Variants in BRIP1 observed in about 807,000 individuals in gnomAD.
BRIP1 encodes the protein Fanconi anemia group J protein.
Under a neutral mutation model 119.7 loss-of-function variants are expected in BRIP1, and 88 were observed. That is an observed-to-expected ratio of 0.74 (90% CI 0.62 to 0.88). The LOEUF is 0.88. BRIP1 is among the 40% of genes least tolerant of loss of function. The probability of loss-of-function intolerance (pLI) is 0.00; values close to 1 mark genes in which losing one functional copy is unlikely to be tolerated. For synonymous variants in BRIP1, 443 were observed against 496.5 expected, an observed-to-expected ratio of 0.89 and a Z score of 1.43; for missense variants, 1,259 against 1,455.4, an observed-to-expected ratio of 0.87 and a Z score of 2.20.
In BRIP1 at chr17:61,861,719, T is replaced by C. The variant is rs973477678; in HGVS notation, c.-30-150A>G. The C allele has an allele frequency of 4.7e-6, 3 of 639,470 alleles. No individual in the cohort carries two copies. The Admixed American group carries it at 7.7e-5, about 16-fold the overall frequency. 39.6% of individuals were successfully genotyped at this position (639,470 alleles called of 1,614,324 possible). A position where few individuals can be genotyped will look rare whatever the true frequency, so the allele number is the denominator to read the frequency against. ...GAAACAAAATAATTTCCTAGTCTTA[T>C]AAATCACAGCGGTCAAGAGCATGTC... is the stretch of plus-strand genomic sequence containing the variant. On this transcript the variant is annotated intron_variant, in intron 1 of 19. Coordinates refer to ENST00000259008, the MANE Select transcript of BRIP1 (RefSeq NM_032043.3). The surrounding 1 kb of genome is among the most constrained non-coding windows in gnomAD (Gnocchi z 4.5).
At chr17:61,733,351 C>T (rs945722146) in intron 16 of BRIP1, among the ~76,000 whole-genome samples, 7 of 151,818 alleles carry the variant, frequency 4.6e-5, no homozygotes, top group African/African-American at 1.7e-4. Flanking sequence ...GACTCTGTCT[C>T]AAAAAAAATT....
In BRIP1 at chr17:61,679,806, T is replaced by C. The variant is rs1481373901; in HGVS notation, c.*3490A>G. ...AATCTGTAAACATTTCTTTTAAAAGTATGTTATCAGTAATGAAAATGGCCT... is the reference window on the plus strand; with the variant it reads ...AATCTGTAAACATTTCTTTTAAAAGCATGTTATCAGTAATGAAAATGGCCT... On this transcript the variant is annotated 3_prime_UTR_variant, in exon 20 of 20. Coordinates refer to ENST00000259008, the MANE Select transcript of BRIP1 (RefSeq NM_032043.3). This position sits in a 1 kb window ranked among gnomAD's most constrained non-coding sequence, Gnocchi z 4.4. 6.6e-6 allele frequency among the ~76,000 whole-genome samples: 1 copy of C among 152,158 alleles called. No homozygotes were observed. The highest frequency in any genetic ancestry group is 1.5e-5 in the Non-Finnish European group (1 of 68,028).
rs1203951992 is a variant in BRIP1 at position 61,849,398 on chromosome 17, A to C, written c.380-142T>G. The C allele has an allele frequency of 4.3e-6, 3 of 702,906 alleles. No individual in the cohort carries two copies. The African/African-American group carries it at 5.4e-5, about 13-fold the overall frequency. The allele number at this position is 702,906 out of a possible 1,614,324, so 43.5% of individuals were successfully genotyped here. Reference sequence around the variant, plus strand: ...AAAACATGAAACTTAAACATGTTTAAAAAGTACTTCTCTACCATTCAGTTT... The same window carrying C: ...AAAACATGAAACTTAAACATGTTTACAAAGTACTTCTCTACCATTCAGTTT... On this transcript the variant is annotated intron_variant, in intron 4 of 19. Transcript: ENST00000259008.
rs1460485569 is a variant in BRIP1, at chr17:61,720,996, CA to C, written c.2380-4934del. ...AGCTGGGACTACAGGCGGCCGCCAC[CA>C]TGCCTAGCTAATTTTTGTATTTTTA... On this transcript the variant is annotated intron_variant, in intron 16 of 19. Transcript: ENST00000259008. The surrounding 1 kb of genome is among the most constrained non-coding windows in gnomAD (Gnocchi z 4.3). 6.6e-6 allele frequency among the ~76,000 whole-genome samples: 1 copy of C among 151,892 alleles called. No individual in the cohort carries two copies. The highest frequency in any genetic ancestry group is 2.4e-5 in the African/African-American group (1 of 41,324).
At chr17:61,833,445 G>A (rs954564972) in intron 6 of BRIP1, among the ~76,000 whole-genome samples, 4 of 152,248 alleles carry the variant, frequency 2.6e-5, no homozygotes, top group Middle Eastern at 3.4e-3. Flanking sequence ...CAAGGCAAGC[G>A]GATCATTTGA....
chr17:61,767,347 G>A lies in BRIP1; in HGVS notation c.2097+9054C>T, dbSNP rs1202189996. The stretch of plus-strand genomic sequence containing the variant: ...GCTGGAGTGCAGTGGTGTGATCACA[G>A]CTCACTGCAGCCTCAAACTTCTGGG... On this transcript the variant is annotated intron_variant, in intron 14 of 19. Coordinates refer to ENST00000259008, the MANE Select transcript of BRIP1 (RefSeq NM_032043.3). The surrounding 1 kb of genome is among the most constrained non-coding windows in gnomAD (Gnocchi z 5.7). Among the ~76,000 whole-genome samples, 1 of 152,038 alleles carries A rather than the reference G, an allele frequency of 6.6e-6. No individual in the cohort carries two copies. Among genetic ancestry groups the A allele is most frequent in the Non-Finnish European group, 1.5e-5 (1 of 67,984 alleles).
At position 61,785,930 on chromosome 17, in the gene BRIP1, G is replaced by C. The variant is rs765386492; in HGVS notation, c.1474-1506C>G. Reference sequence around the variant, plus strand: ...TACCTACACATTGGCAGCTGGGTTGGGGGGGGTAGAAAAATAGAAAACTAA... The same window carrying C: ...TACCTACACATTGGCAGCTGGGTTGCGGGGGGTAGAAAAATAGAAAACTAA... On this transcript the variant is annotated intron_variant, in intron 10 of 19. Coordinates refer to ENST00000259008, the MANE Select transcript of BRIP1 (RefSeq NM_032043.3). Among the ~76,000 whole-genome samples, 18 of 151,706 alleles carry C rather than the reference G, an allele frequency of 1.2e-4. No individual in the cohort carries two copies. In the East Asian group the frequency reaches 2.9e-3, roughly 24 times the overall value.
At position 61,748,792 on chromosome 17, in the gene BRIP1, C is replaced by T. The variant is rs1258538767; in HGVS notation, c.2098-4201G>A. Among the ~76,000 whole-genome samples, 1 of 152,152 alleles carries T rather than the reference C, an allele frequency of 6.6e-6. No homozygotes were observed. Among genetic ancestry groups the T allele is most frequent in the African/African-American group, 2.4e-5 (1 of 41,436 alleles). Reference sequence around the variant, plus strand: ...CAAAAGAATAAAACTGGACCTTTATCTTACACAATACACAAAAGTTCACTC... The same window carrying T: ...CAAAAGAATAAAACTGGACCTTTATTTTACACAATACACAAAAGTTCACTC... On this transcript the variant is annotated intron_variant, in intron 14 of 19. Coordinates refer to ENST00000259008, the MANE Select transcript of BRIP1 (RefSeq NM_032043.3). This position sits in a 1 kb window ranked among gnomAD's most constrained non-coding sequence, Gnocchi z 4.7.
chr17:61,688,245 A>G (rs1457656496), intron 18 of BRIP1, among the ~76,000 whole-genome samples: 1 of 152,188 alleles, frequency 6.6e-6, no homozygotes, highest in East Asian at 1.9e-4. Context: ...AGGCCGAGGC[A>G]GGCAGATGAC....
rs1280243783 is a variant in BRIP1 at position 61,730,157 on chromosome 17, C to G, written c.2379+12856G>C. On this transcript the variant is annotated intron_variant, in intron 16 of 19. Coordinates refer to ENST00000259008, the MANE Select transcript of BRIP1 (RefSeq NM_032043.3). This position sits in a 1 kb window ranked among gnomAD's most constrained non-coding sequence, Gnocchi z 4.3. ...TAAACTGAACTCATTCCCAAGCTTT[C>G]AAGCCTTTAATCCTAGGGAAAAACA... Among the ~76,000 whole-genome samples, 1 of 152,120 alleles carries G rather than the reference C, an allele frequency of 6.6e-6. No homozygotes were observed. The highest frequency in any genetic ancestry group is 1.5e-5 in the Non-Finnish European group (1 of 68,026).
chr17:61,788,323 AAGAT>A (rs1318821160), intron 10 of BRIP1, among the ~76,000 whole-genome samples: 1 of 152,120 alleles, frequency 6.6e-6, no homozygotes, highest in East Asian at 1.9e-4. Context: ...ATTTTATTGA[AAGAT>A]AGGAAAAAAT....
chr17:61,856,971 C>T lies in BRIP1; in HGVS notation c.379+87G>A. 1.5e-6 allele frequency: 2 copies of T among 1,351,616 alleles called. No individual in the cohort carries two copies. Among genetic ancestry groups the T allele is most frequent in the African/African-American group, 1.4e-5 (1 of 69,540 alleles). 83.7% of individuals were successfully genotyped at this position (1,351,616 alleles called of 1,614,324 possible). A position where few individuals can be genotyped will look rare whatever the true frequency, so the allele number is the denominator to read the frequency against. On this transcript the variant is annotated intron_variant, in intron 4 of 19. Transcript: ENST00000259008. The surrounding 1 kb of genome is among the most constrained non-coding windows in gnomAD (Gnocchi z 5.1). ...AGAGATATATAATCAGTTATGCTAA[C>T]CAAACTTATATAAATTAGGGCTTAT...
rs555414953 is a variant in BRIP1 at position 61,801,580 on chromosome 17, A to C, written c.919-106T>G. 14 of 1,100,352 alleles carry C rather than the reference A, an allele frequency of 1.3e-5. No individual in the cohort carries two copies. The South Asian group carries it at 1.8e-4, about 14-fold the overall frequency. 68.2% of individuals were successfully genotyped at this position (1,100,352 alleles called of 1,614,324 possible). ...GAACATCATTAAAGCCACAAGGCTA[A>C]GATTTTACTGGCTACGCCACCACAC... is the stretch of plus-strand genomic sequence containing the variant. On this transcript the variant is annotated intron_variant, in intron 7 of 19. Coordinates refer to ENST00000259008, the MANE Select transcript of BRIP1 (RefSeq NM_032043.3).
intron 17 of BRIP1, among the ~76,000 whole-genome samples, chr17:61,707,197 CTAAAATATTTGAAGACAATTTCTTCT>C (rs2061702943): frequency 6.6e-6 from 1 of 152,104 alleles, no homozygotes; most frequent in African/African-American, 2.4e-5. Flanking sequence ...AAAAATTTCC[CTAAAATATTTGAAGACAATTTCTTCT>C]ATTTTTTTGG....
At position 61,699,491 on chromosome 17, in the gene BRIP1, GTAA is replaced by G. The variant is rs2061579086; in HGVS notation, c.2493-5982_2493-5980del. The stretch of plus-strand genomic sequence containing the variant: ...AAGAGTATAATAAACATATCAACCA[GTAA>G]TAAACTAGTCAGGAAAATTGCCAAC... On this transcript the variant is annotated intron_variant, in intron 17 of 19. Coordinates refer to ENST00000259008, the MANE Select transcript of BRIP1 (RefSeq NM_032043.3). This position sits in a 1 kb window ranked among gnomAD's most constrained non-coding sequence, Gnocchi z 4.8. Among the ~76,000 whole-genome samples the G allele has an allele frequency of 6.6e-6, 1 of 152,062 alleles. No individual in the cohort carries two copies. The highest frequency in any genetic ancestry group is 2.4e-5 in the African/African-American group (1 of 41,406).
intron 6 of BRIP1, among the ~76,000 whole-genome samples, chr17:61,818,383 C>G (rs1245529219): frequency 6.6e-6 from 1 of 152,136 alleles, no homozygotes; most frequent in Non-Finnish European, 1.5e-5. Context: ...TATCCAAAGA[C>G]ACTCTCAGGC....
chr17:61,679,705 TCTA>T lies in BRIP1; in HGVS notation c.*3588_*3590del, dbSNP rs1567724144. On this transcript the variant is annotated 3_prime_UTR_variant, in exon 20 of 20. Transcript: ENST00000259008. This position sits in a 1 kb window ranked among gnomAD's most constrained non-coding sequence, Gnocchi z 4.4. ...GGGTGCACTCCAGATATATGATTCA[TCTA>T]CTAATTAATAATGAATAACTTGCAA... Among the ~76,000 whole-genome samples the T allele has an allele frequency of 6.6e-6, 1 of 152,222 alleles. No individual in the cohort carries two copies. The highest frequency in any genetic ancestry group is 6.5e-5 in the Admixed American group (1 of 15,284).
At position 61,725,272 on chromosome 17, in the gene BRIP1, C is replaced by G. The variant is rs560977111; in HGVS notation, c.2380-9209G>C. Among the ~76,000 whole-genome samples the G allele has an allele frequency of 6.6e-6, 1 of 152,254 alleles. No homozygotes were observed. The highest frequency in any genetic ancestry group is 6.5e-5 in the Admixed American group (1 of 15,284). ...AGAAATGGTTTTTAGTTGTTACTTA[C>G]TTTCCCTGTTACGTTACAACTTGAC... On this transcript the variant is annotated intron_variant, in intron 16 of 19. Transcript: ENST00000259008. This position sits in a 1 kb window ranked among gnomAD's most constrained non-coding sequence, Gnocchi z 5.3.
Position 61,686,238 on chromosome 17 carries a change from C to T in BRIP1, c.2576-73G>A, listed in dbSNP as rs961602052. 3.0e-6 allele frequency: 4 copies of T among 1,335,364 alleles called. No homozygotes were observed. Among genetic ancestry groups the T allele is most frequent in the Non-Finnish European group, 4.3e-6 (4 of 930,782 alleles). The allele number at this position is 1,335,364 out of a possible 1,614,324, so 82.7% of individuals were successfully genotyped here. On this transcript the variant is annotated intron_variant, in intron 18 of 19. Transcript: ENST00000259008. The surrounding 1 kb of genome is among the most constrained non-coding windows in gnomAD (Gnocchi z 5.4). ...AAATATTACATGCTAAGGTAATACACTTGCTTTTTCTAGTGAAGTAACCTA... is the reference window on the plus strand; with the variant it reads ...AAATATTACATGCTAAGGTAATACATTTGCTTTTTCTAGTGAAGTAACCTA...
Sources: allele counts gnomAD v4.1 joint callset (sites outside exome capture counted in the v4.1 genomes callset), GRCh38; gene constraint gnomAD v4.1.1; non-coding constraint Gnocchi (gnomAD v3.1); transcripts MANE v1.5; gene names NCBI Gene and HGNC (gene_info 2026-07-23, HGNC 2026-07-21).